Variants in FLNB observed in about 807,000 individuals in gnomAD.
FLNB encodes the protein filamin-B.
Under a neutral mutation model 250.6 loss-of-function variants are expected in FLNB, and 111 were observed. The observed-to-expected ratio is 0.44, with a 90% confidence interval of 0.38 to 0.52. The LOEUF (loss-of-function observed/expected upper bound fraction) is 0.52. Ranked by LOEUF, FLNB falls within the 20% of genes least tolerant of loss-of-function variation. FLNB has a pLI of 0.00. For missense variants in FLNB, 2,869 were observed against 3,447.8 expected, an observed-to-expected ratio of 0.83 and a Z score of 4.20; for synonymous variants, 1,302 against 1,372.1, an observed-to-expected ratio of 0.95 and a Z score of 1.13.
intron 25 of FLNB, chr3:58,132,041 C>G: frequency 2.8e-6 from 4 of 1,450,916 alleles, no homozygotes; most frequent in Non-Finnish European, 2.8e-6. Context: ...CCCATGGCTG[C>G]TGAATTATGT....
At chr3:58,050,219 G>A (rs1294296226) in intron 1 of FLNB, among the ~76,000 whole-genome samples, 6 of 151,850 alleles carry the variant, frequency 4.0e-5, no homozygotes, top group African/African-American at 7.3e-5. Context: ...TAGTACAGAC[G>A]GGGTTTCACC....
At chr3:58,090,394 A>G (rs2097224793) in intron 4 of FLNB, among the ~76,000 whole-genome samples, 1 of 152,224 alleles carries the variant, frequency 6.6e-6, no homozygotes, top group Non-Finnish European at 1.5e-5. Flanking sequence ...ACTCTAAAAT[A>G]TAATGATAAA....
chr3:58,121,601 C>G, intron 20 of FLNB, 98 bp downstream of exon 20: 1 of 1,514,646 alleles, frequency 6.6e-7, no homozygotes, highest in South Asian at 1.1e-5. Context: ...TTCTGAAAAT[C>G]GTTTTGTGAT....
chr3:58,159,729 C>G, intron 42 of FLNB, 43 bp downstream of exon 42: 1 of 1,605,236 alleles, frequency 6.2e-7, no homozygotes, highest in Non-Finnish European at 8.5e-7. Context: ...CCAGCACTTT[C>G]CAGCAGAATG....
rs369057056 is a variant in FLNB at position 58,165,818 on chromosome 3, A to G, written c.7198+2488A>G. The G allele has an allele frequency of 3.3e-5, 5 of 152,148 alleles. No individual in the cohort carries two copies. The East Asian group carries it at 9.7e-4, about 29-fold the overall frequency. 9.4% of individuals were successfully genotyped at this position (152,148 alleles called of 1,614,324 possible). ...GGGCCTCCTTCCTTAACTGCCTTGA[A>G]GAACAAGCAGTGCTGCGTTTAACAT... On this transcript the variant is annotated intron_variant, in intron 43 of 45. Transcript: ENST00000295956.
At chr3:58,051,686 T>G (rs967476662) in intron 1 of FLNB, among the ~76,000 whole-genome samples, 4 of 147,750 alleles carry the variant, frequency 2.7e-5, no homozygotes, top group East Asian at 2.0e-4. Context: ...TTTTTTTGGG[T>G]TTTTTTTTTA....
At chr3:58,029,455 C>T (rs915485456) in intron 1 of FLNB, among the ~76,000 whole-genome samples, 1 of 150,124 alleles carries the variant, frequency 6.7e-6, no homozygotes, top group African/African-American at 2.5e-5. Context: ...GGCCCCCTTT[C>T]TTCTGTTGGG....
At chr3:58,103,202 C>T (rs2097253848) in intron 9 of FLNB, among the ~76,000 whole-genome samples, 1 of 151,978 alleles carries the variant, frequency 6.6e-6, no homozygotes, top group Non-Finnish European at 1.5e-5. Flanking sequence ...ACTGCCCAGA[C>T]CTGGAGTCAA....
chr3:58,072,281 A>G (rs2097195718), intron 1 of FLNB, among the ~76,000 whole-genome samples: 1 of 151,882 alleles, frequency 6.6e-6, no homozygotes, highest in African/African-American at 2.4e-5. Context: ...ATTCCAACCC[A>G]CTGAAATCTA....
At chr3:58,110,267 GTAT>G (rs895883941) in intron 16 of FLNB, 97 bp downstream of exon 16, 27 of 1,297,152 alleles carry the variant, frequency 2.1e-5, no homozygotes, top group Non-Finnish European at 2.8e-5. Flanking sequence ...TGTTTTGTTA[GTAT>G]TATTATTTTT....
At chr3:58,087,072 C>T (rs1424435271) in intron 4 of FLNB, among the ~76,000 whole-genome samples, 1 of 151,822 alleles carries the variant, frequency 6.6e-6, no homozygotes, top group Non-Finnish European at 1.5e-5. Context: ...GATGGCGCCA[C>T]TGCACTCCAG....
At chr3:58,081,797 G>A (rs1270339891) in intron 4 of FLNB, 21 bp downstream of exon 4, 4 of 1,613,720 alleles carry the variant, frequency 2.5e-6, no homozygotes, top group South Asian at 1.1e-5. Flanking sequence ...GTCCTCTGGT[G>A]TTGTATTGGA....
chr3:58,096,338 G>T, intron 6 of FLNB, 120 bp downstream of exon 6: 1 of 765,820 alleles, frequency 1.3e-6, no homozygotes. Flanking sequence ...GATTATAGAA[G>T]GATCTATGCT....
chr3:58,037,481 A>G (rs546936478), intron 1 of FLNB, among the ~76,000 whole-genome samples: 1 of 152,078 alleles, frequency 6.6e-6, no homozygotes, highest in Admixed American at 6.6e-5. Flanking sequence ...AGGTTCCTTC[A>G]CCCTTGCCTC....
At position 58,125,749 on chromosome 3, in the gene FLNB, C is replaced by A. The variant is rs1340400888; in HGVS notation, c.4061+6C>A. ...GTCTTCACCGTGGTTACCAGGTAGGCAAGGCCCTACATTTGGTGTCTTGAG... is the reference window on the plus strand; with the variant it reads ...GTCTTCACCGTGGTTACCAGGTAGGAAAGGCCCTACATTTGGTGTCTTGAG... On this transcript the variant is annotated splice_donor_region_variant and intron_variant, in intron 23 of 45. Transcript: ENST00000295956. 8.1e-6 allele frequency: 13 copies of A among 1,613,802 alleles called. No individual in the cohort carries two copies. Among genetic ancestry groups the A allele is most frequent in the Non-Finnish European group, 1.1e-5 (13 of 1,179,874 alleles).
chr3:58,139,572 A>C (rs1290018753), intron 29 of FLNB, among the ~76,000 whole-genome samples: 1 of 152,248 alleles, frequency 6.6e-6, no homozygotes, highest in Non-Finnish European at 1.5e-5. Context: ...GTTTATCTGT[A>C]AACAGCATGC....
intron 1 of FLNB, among the ~76,000 whole-genome samples, chr3:58,039,039 TA>T (rs1234201473): frequency 9.2e-5 from 13 of 142,038 alleles, no homozygotes; most frequent in African/African-American, 3.5e-4. Context: ...TTTTTTTTTT[TA>T]AAAAAAAGAC....
At chr3:58,075,333 A>C (rs908766334) in intron 1 of FLNB, among the ~76,000 whole-genome samples, 6 of 152,184 alleles carry the variant, frequency 3.9e-5, no homozygotes, top group African/African-American at 1.2e-4. Flanking sequence ...GTGAAGTGCC[A>C]CCAGCTGTAG....
chr3:58,168,725 A>G, intron 44 of FLNB, 67 bp downstream of exon 44: 2 of 1,148,756 alleles, frequency 1.7e-6, no homozygotes, highest in Non-Finnish European at 2.6e-6. Flanking sequence ...GATCAATCAT[A>G]GTGGAAACTA....
Sources: gnomAD v4.1 joint callset for allele counts (sites outside exome capture counted in the v4.1 genomes callset) on GRCh38, gnomAD v4.1.1 for gene constraint, MANE v1.5 for transcripts, NCBI Gene and HGNC (gene_info 2026-07-23, HGNC 2026-07-21) for gene names.